AMPH: variants seen among roughly 807,000 people sequenced by gnomAD.
AMPH encodes amphiphysin (Stiff-Mann syndrome with breast cancer 128kD autoantigen).
AMPH carries 49 observed loss-of-function variants against 99.1 expected under a neutral mutation model. That is an observed-to-expected ratio of 0.49 (90% CI 0.39 to 0.63). The LOEUF (loss-of-function observed/expected upper bound fraction) is 0.63. AMPH is among the 20% of genes least tolerant of loss of function. The pLI is 0.00. For synonymous variants in AMPH, 314 were observed against 317.3 expected, an observed-to-expected ratio of 0.99 and a Z score of 0.11; for missense variants, 759 against 863.4, an observed-to-expected ratio of 0.88 and a Z score of 1.52.
rs184495838 is a variant in AMPH, at chr7:38,385,616, C to T, written c.1981-691G>A. Among the ~76,000 whole-genome samples the T allele has an allele frequency of 9.3e-4, 142 of 152,318 alleles. 1 individual carries two copies. The highest frequency in any genetic ancestry group is 2.1e-4 in the Non-Finnish European group (14 of 68,036). ...GCAGTTGGATGTCATGGCATTCTTG[C>T]TGGAAGCGCTCCTATATCCTTTATA... is the stretch of plus-strand genomic sequence containing the variant. On this transcript the variant is annotated intron_variant, in intron 20 of 20. Coordinates refer to ENST00000356264, the MANE Select transcript of AMPH (RefSeq NM_001635.4).
At chr7:38,598,996 CT>C (rs1793155393) in intron 1 of AMPH, among the ~76,000 whole-genome samples, 1 of 152,188 alleles carries the variant, frequency 6.6e-6, no homozygotes, top group Non-Finnish European at 1.5e-5. Flanking sequence ...TCTCCCATGA[CT>C]TTAGTGTGTA....
At chr7:38,627,128 G>A (rs367883011) in intron 1 of AMPH, among the ~76,000 whole-genome samples, 1 of 152,016 alleles carries the variant, frequency 6.6e-6, no homozygotes, top group East Asian at 1.9e-4. Flanking sequence ...TCATGACTCA[G>A]GCCCAATTCA....
chr7:38,485,095 T>G (rs1162704500), intron 5 of AMPH, among the ~76,000 whole-genome samples: 1 of 151,592 alleles, frequency 6.6e-6, no homozygotes, highest in Non-Finnish European at 1.5e-5. Context: ...CAGAAAACAA[T>G]GAACAAAATG....
chr7:38,620,526 CT>C (rs1370272314), intron 1 of AMPH, among the ~76,000 whole-genome samples: 2 of 144,036 alleles, frequency 1.4e-5, no homozygotes, highest in Non-Finnish European at 3.0e-5. Flanking sequence ...ATCTATGCAT[CT>C]ATGCTATATA....
chr7:38,459,784 G>A (rs1787370534), intron 11 of AMPH, among the ~76,000 whole-genome samples: 1 of 151,812 alleles, frequency 6.6e-6, no homozygotes, highest in South Asian at 2.1e-4. Context: ...TCAGTTTAAG[G>A]AAAATTGCAT....
intron 1 of AMPH, among the ~76,000 whole-genome samples, chr7:38,535,216 C>T (rs1790554972): frequency 6.6e-6 from 1 of 151,576 alleles, no homozygotes; most frequent in Non-Finnish European, 1.5e-5. Flanking sequence ...CCAGTCCCGC[C>T]CCTCACAGGC....
intron 1 of AMPH, among the ~76,000 whole-genome samples, chr7:38,585,214 G>A (rs1792602079): frequency 6.6e-6 from 1 of 152,162 alleles, no homozygotes; most frequent in Admixed American, 6.5e-5. Context: ...TTTACAGTGA[G>A]GATTCTGAGA....
intron 11 of AMPH, among the ~76,000 whole-genome samples, chr7:38,459,334 A>G (rs1397529927): frequency 6.6e-6 from 1 of 152,210 alleles, no homozygotes. Context: ...TTTCAGCAGA[A>G]TTAGAAAAAA....
At chr7:38,482,421 A>G (rs553021316) in intron 5 of AMPH, among the ~76,000 whole-genome samples, 5 of 152,298 alleles carry the variant, frequency 3.3e-5, no homozygotes, top group African/African-American at 9.6e-5. Context: ...TGCTCAAGGA[A>G]AAGTTATATT....
At chr7:38,412,265 C>A (rs1031668380) in intron 17 of AMPH, among the ~76,000 whole-genome samples, 1 of 152,126 alleles carries the variant, frequency 6.6e-6, no homozygotes, top group Non-Finnish European at 1.5e-5. Flanking sequence ...AAGTACATGC[C>A]AAAAGTAATA....
intron 2 of AMPH, among the ~76,000 whole-genome samples, chr7:38,519,925 C>T (rs1789889758): frequency 6.6e-6 from 1 of 152,088 alleles, no homozygotes; most frequent in South Asian, 2.1e-4. Flanking sequence ...TACATATACA[C>T]CACAGAATAC....
At chr7:38,539,668 A>T (rs1790741291) in intron 1 of AMPH, among the ~76,000 whole-genome samples, 1 of 152,174 alleles carries the variant, frequency 6.6e-6, no homozygotes, top group Non-Finnish European at 1.5e-5. Context: ...GCTGAGCAGC[A>T]CTGGGGTGAG....
chr7:38,520,810 AAG>A (rs1256821720), intron 2 of AMPH, among the ~76,000 whole-genome samples: 1 of 152,174 alleles, frequency 6.6e-6, no homozygotes, highest in Non-Finnish European at 1.5e-5. Context: ...GGAAGTGGAA[AAG>A]AGTTTGAAAG....
At chr7:38,421,121 A>G (rs1405638377) in intron 16 of AMPH, 1 of 453,030 alleles carries the variant, frequency 2.2e-6, no homozygotes, top group Admixed American at 2.4e-5. Context: ...TTCAGAGAAT[A>G]CATACAAACA....
At chr7:38,570,137 T>C (rs1791889599) in intron 1 of AMPH, among the ~76,000 whole-genome samples, 1 of 152,122 alleles carries the variant, frequency 6.6e-6, no homozygotes, top group African/African-American at 2.4e-5. Context: ...CAAGACTCAA[T>C]CTCAACCTAA....
chr7:38,407,082 G>A (rs1410963406), intron 17 of AMPH, among the ~76,000 whole-genome samples: 5,805 of 26,404 alleles, frequency 0.22, 409 homozygotes, highest in Non-Finnish European at 0.25. Flanking sequence ...ATATATGTGT[G>A]TGTGTGTGTG....
intron 1 of AMPH, among the ~76,000 whole-genome samples, chr7:38,570,240 T>A (rs1271643594): frequency 6.6e-6 from 1 of 152,192 alleles, no homozygotes. Context: ...CAATGCAGAC[T>A]TGATGGTGAG....
At chr7:38,446,316 G>A (rs187298344) in intron 11 of AMPH, among the ~76,000 whole-genome samples, 6 of 152,150 alleles carry the variant, frequency 3.9e-5, no homozygotes, top group East Asian at 3.9e-4. Flanking sequence ...CTAGGTATTC[G>A]CCCAAGAGAA....
intron 13 of AMPH, 46 bp downstream of exon 13, chr7:38,432,143 T>C: frequency 6.5e-7 from 1 of 1,539,626 alleles, no homozygotes; most frequent in South Asian, 1.1e-5. Flanking sequence ...TTTCCAAATT[T>C]CTGGGGATCA....
Sources: allele counts gnomAD v4.1 joint callset (sites outside exome capture counted in the v4.1 genomes callset), GRCh38; gene constraint gnomAD v4.1.1; transcripts MANE v1.5; gene names NCBI Gene and HGNC (gene_info 2026-07-23, HGNC 2026-07-21).